LRATD1: variants seen among roughly 807,000 people sequenced by gnomAD.
LRATD1 encodes protein LRATD1.
A neutral mutation model predicts 21.3 loss-of-function variants in LRATD1; 8 were observed. The observed-to-expected ratio is 0.38, with a 90% CI of 0.22 to 0.68. The LOEUF is 0.68. Among genes scored for constraint, LRATD1 ranks in the 30% least tolerant of loss-of-function variants. The probability of loss-of-function intolerance (pLI) is 0.54; values close to 1 mark genes in which losing one functional copy is unlikely to be tolerated. For missense variants in LRATD1, 380 were observed against 404.0 expected (o/e 0.94, Z 0.51); for synonymous variants, 210 against 186.2 (o/e 1.13, Z -1.04).
chr2:14,639,764 A>G lies in LRATD1; in HGVS notation c.*4906A>G, dbSNP rs984274264. 1.8e-5 allele frequency: 3 copies of G among 167,146 alleles called. No homozygotes were observed. The highest frequency in any genetic ancestry group is 2.9e-5 in the Non-Finnish European group (2 of 68,132). The allele number at this position is 167,146 out of a possible 1,614,324, so 10.4% of individuals were successfully genotyped here. On this transcript the variant is annotated 3_prime_UTR_variant, in exon 2 of 2. Coordinates refer to ENST00000295092, the MANE Select transcript of LRATD1 (RefSeq NM_145175.4). ...TGATGGCTGATAGTAGAAAGCACAC[A>G]GTAGGTACTCCATAAATGTAAGACT...
rs1323143421 is a variant in LRATD1, at chr2:14,635,087, A to G, written c.*229A>G. 1 of 723,944 alleles carries G rather than the reference A, an allele frequency of 1.4e-6. No individual in the cohort carries two copies. Among genetic ancestry groups the G allele is most frequent in the South Asian group, 1.5e-5 (1 of 65,308 alleles). The allele number at this position is 723,944 out of a possible 1,614,324, so 44.8% of individuals were successfully genotyped here. A position where few individuals can be genotyped will look rare whatever the true frequency, so the allele number is the denominator to read the frequency against. ...GCGCCGCTGCGAGCGCCTGGCTGAC[A>G]GCCACAGCGGTGGTGACGGTGCTGG... On this transcript the variant is annotated 3_prime_UTR_variant, in exon 2 of 2. Transcript: ENST00000295092.
chr2:14,648,596 C>T (rs955773100), intron 4 of LRATD1, among the ~76,000 whole-genome samples: 2 of 152,150 alleles, frequency 1.3e-5, no homozygotes, highest in African/African-American at 4.8e-5. Flanking sequence ...CATCCTGTAA[C>T]CTTTGTCAAA....
Position 14,634,897 on chromosome 2 carries a change from C to A in LRATD1, c.*39C>A. The A allele has an allele frequency of 6.3e-7, 1 of 1,581,934 alleles. No homozygotes were observed. On this transcript the variant is annotated 3_prime_UTR_variant, in exon 2 of 2. Transcript: ENST00000295092. ...GCCGGCCCCTCTGCCTCCCCCGCACCTCGCTCCCTTCCCTTCCCCGCACCC... is the reference window on the plus strand; with the variant it reads ...GCCGGCCCCTCTGCCTCCCCCGCACATCGCTCCCTTCCCTTCCCCGCACCC...
chr2:14,634,149 C>T lies in LRATD1; in HGVS notation c.170C>T (p.Ala57Val), dbSNP rs78327295. 3.7e-6 allele frequency: 6 copies of T among 1,613,590 alleles called. No homozygotes were observed. The South Asian group carries it at 5.5e-5, about 15-fold the overall frequency. ...RGQPDKFGVK[A>V]PPGCTPCPES... ...CAGCCCGACAAGTTTGGCGTGAAGG[C>T]CCCCCCGGGTTGCACCCCCTGCCCG... is the stretch of plus-strand genomic sequence containing the variant. The change falls in exon 2 of 2, where the codon GCC becomes GTC. Residue 57 changes from alanine (A) to valine (V), a missense_variant. By Grantham distance (64) the Ala-to-Val change is moderately conservative. Transcript: ENST00000295092.
At chr2:14,643,586 T>C (rs1324572118), downstream of LRATD1, among the ~76,000 whole-genome samples, 1 of 152,238 alleles carries the variant, frequency 6.6e-6, no homozygotes, top group Non-Finnish European at 1.5e-5. Context: ...TTCACTTGTG[T>C]GGAGCATTCT....
chr2:14,644,628 G>T (rs1443882327), downstream of LRATD1, among the ~76,000 whole-genome samples: 3 of 152,086 alleles, frequency 2.0e-5, no homozygotes, highest in Admixed American at 2.0e-4. Context: ...AGATTGATTG[G>T]ATGCCTAAGA....
chr2:14,633,989 C>G lies in LRATD1; in HGVS notation c.10C>G (p.Gln4Glu). The G allele has an allele frequency of 6.2e-7, 1 of 1,612,150 alleles. No individual in the cohort carries two copies. The highest frequency in any genetic ancestry group is 8.5e-7 in the Non-Finnish European group (1 of 1,178,676). MGN[Q>E]LDRITHLNYS... ...CCTCGCCACCTCATTGATGGGCAAC[C>G]AACTGGACCGCATCACCCACCTCAA... The change falls in exon 2 of 2, where the codon CAA becomes GAA. Residue 4 changes from glutamine to glutamate, a missense_variant. By Grantham distance (29) the Gln-to-Glu change is conservative (BLOSUM62 2). Transcript: ENST00000295092. The surrounding 1 kb of genome is among the most constrained non-coding windows in gnomAD (Gnocchi z 7.5).
chr2:14,634,885 CCTCCCCCGCACCTCG>C lies in LRATD1; in HGVS notation c.*33_*47del. On this transcript the variant is annotated 3_prime_UTR_variant, in exon 2 of 2. Coordinates refer to ENST00000295092, the MANE Select transcript of LRATD1 (RefSeq NM_145175.4). The stretch of plus-strand genomic sequence containing the variant: ...CGCCTAGGGGCTGCCGGCCCCTCTG[CCTCCCCCGCACCTCG>C]CTCCCTTCCCTTCCCCGCACCCGGA... 1 of 1,595,828 alleles carries C rather than the reference CCTCCCCCGCACCTCG, an allele frequency of 6.3e-7. No homozygotes were observed. Among genetic ancestry groups the C allele is most frequent in the Non-Finnish European group, 8.6e-7 (1 of 1,169,378 alleles).
At position 14,635,746 on chromosome 2, in the gene LRATD1, T is replaced by A; in HGVS notation, c.*888T>A. The A allele has an allele frequency of 2.6e-6, 1 of 391,986 alleles. No individual in the cohort carries two copies. The highest frequency in any genetic ancestry group is 5.3e-6 in the Non-Finnish European group (1 of 189,286). The allele number at this position is 391,986 out of a possible 1,614,324, so 24.3% of individuals were successfully genotyped here. A position where few individuals can be genotyped will look rare whatever the true frequency, so the allele number is the denominator to read the frequency against. On this transcript the variant is annotated 3_prime_UTR_variant, in exon 2 of 2. Coordinates refer to ENST00000295092, the MANE Select transcript of LRATD1 (RefSeq NM_145175.4). ...GCGCTTATTGTTCTGAACCCTTGATTGCTCCCTCCTCGGGCTGCATTTCAA... is the reference window on the plus strand; with the variant it reads ...GCGCTTATTGTTCTGAACCCTTGATAGCTCCCTCCTCGGGCTGCATTTCAA...
At chr2:14,651,261 G>C (rs1572307170), downstream of LRATD1, among the ~76,000 whole-genome samples, 1 of 151,914 alleles carries the variant, frequency 6.6e-6, no homozygotes, top group African/African-American at 2.4e-5. Flanking sequence ...ATCCGTCTAA[G>C]ACTACTGGGT....
Position 14,635,110 on chromosome 2 carries a change from T to C in LRATD1, c.*252T>C. 1.4e-6 allele frequency: 1 copy of C among 707,426 alleles called. No individual in the cohort carries two copies. Among genetic ancestry groups the C allele is most frequent in the Non-Finnish European group, 2.6e-6 (1 of 381,360 alleles). The allele number at this position is 707,426 out of a possible 1,614,324, so 43.8% of individuals were successfully genotyped here. On this transcript the variant is annotated 3_prime_UTR_variant, in exon 2 of 2. Transcript: ENST00000295092. ...ACAGCCACAGCGGTGGTGACGGTGC[T>C]GGGAGACCCCGCGTGCGCTTTCCCC...
rs1671638477 is a variant in LRATD1, at chr2:14,634,620, G to A, written c.641G>A (p.Ser214Asn). Reference sequence around the variant, plus strand: ...GAGATCTGCTGGACGAACTCGGAGAGCTTCGCCGCCTGGTGCCGCTTTGGC... The same window carrying A: ...GAGATCTGCTGGACGAACTCGGAGAACTTCGCCGCCTGGTGCCGCTTTGGC... ...SEEICWTNSE[S>N]FAAWCRFGKR... is the part of the protein sequence containing the mutation. Residue 214 changes from serine (S) to asparagine (N), a missense_variant, in exon 2 of 2, where the codon AGC becomes AAC. Physicochemically the swap from Ser to Asn is conservative, Grantham distance 46 (BLOSUM62 1). Transcript: ENST00000295092. The A allele has an allele frequency of 6.5e-7, 1 of 1,533,884 alleles. No homozygotes were observed. Among genetic ancestry groups the A allele is most frequent in the Non-Finnish European group, 8.8e-7 (1 of 1,137,270 alleles).
chr2:14,647,116 A>G (rs79162400), intron 4 of LRATD1, among the ~76,000 whole-genome samples: 1 of 152,220 alleles, frequency 6.6e-6, no homozygotes, highest in East Asian at 1.9e-4. Context: ...CAATGTTAGG[A>G]TGAAGCTGAC....
downstream of LRATD1, among the ~76,000 whole-genome samples, chr2:14,644,100 C>T (rs1671854236): frequency 8.1e-6 from 1 of 123,274 alleles, no homozygotes; most frequent in Admixed American, 7.8e-5. Context: ...TAAAGGCAAG[C>T]ATTTTTTTTT....
chr2:14,647,922 G>A (rs551388473), intron 4 of LRATD1, among the ~76,000 whole-genome samples: 2 of 152,254 alleles, frequency 1.3e-5, no homozygotes, highest in East Asian at 3.9e-4. Flanking sequence ...CCCATGGCCA[G>A]AGGATTCTCC....
At chr2:14,643,329 T>C (rs1671837581), downstream of LRATD1, among the ~76,000 whole-genome samples, 1 of 152,202 alleles carries the variant, frequency 6.6e-6, no homozygotes, top group African/African-American at 2.4e-5. Flanking sequence ...TCCAGATTAA[T>C]TCTGCGTATG....
At chr2:14,651,531 A>G (rs969431509), downstream of LRATD1, among the ~76,000 whole-genome samples, 2 of 152,122 alleles carry the variant, frequency 1.3e-5, no homozygotes, top group African/African-American at 4.8e-5. Flanking sequence ...CTCTGTAACC[A>G]CAATTCCCAT....
At chr2:14,641,638 G>A (rs1276205979), downstream of LRATD1, among the ~76,000 whole-genome samples, 2 of 152,140 alleles carry the variant, frequency 1.3e-5, no homozygotes, top group Admixed American at 6.5e-5. Flanking sequence ...GAGCTCCTTA[G>A]TGGGGCAGTC....
At chr2:14,644,672 C>T (rs951977672), downstream of LRATD1, among the ~76,000 whole-genome samples, 7 of 152,020 alleles carry the variant, frequency 4.6e-5, no homozygotes, top group Non-Finnish European at 7.4e-5. Flanking sequence ...GTTCTTTAAT[C>T]GGTAACTGTG....
Sources: allele counts gnomAD v4.1 joint callset (sites outside exome capture counted in the v4.1 genomes callset), GRCh38; gene constraint gnomAD v4.1.1; non-coding constraint Gnocchi (gnomAD v3.1); transcripts MANE v1.5; gene names NCBI Gene and HGNC (gene_info 2026-07-23, HGNC 2026-07-21).